Variants in FBRSL1 observed in about 807,000 individuals in gnomAD.
The protein encoded by FBRSL1 is fibrosin-1-like protein.
FBRSL1 carries 51 observed loss-of-function variants against 89.6 expected under a neutral mutation model. The ratio of observed to expected loss-of-function variants is 0.57; its 90% CI spans 0.45 to 0.72. The LOEUF (loss-of-function observed/expected upper bound fraction) is 0.72. FBRSL1 is among the 30% of genes least tolerant of loss of function. The probability of loss-of-function intolerance (pLI) is 0.00; values close to 1 mark genes in which losing one functional copy is unlikely to be tolerated. For missense variants in FBRSL1, 1,618 were observed against 1,451.8 expected, an observed-to-expected ratio of 1.11 and a Z score of -1.86; for synonymous variants, 779 against 681.1, an observed-to-expected ratio of 1.14 and a Z score of -2.24.
At chr12:132,538,081 C>G (rs2036914460) in intron 4 of FBRSL1, among the ~76,000 whole-genome samples, 1 of 152,134 alleles carries the variant, frequency 6.6e-6, no homozygotes, top group Non-Finnish European at 1.5e-5. Context: ...TCAGAGTGAG[C>G]TTGGGTGTGG....
chr12:132,494,038 G>A (rs1196855098), intron 1 of FBRSL1, among the ~76,000 whole-genome samples: 2 of 152,190 alleles, frequency 1.3e-5, no homozygotes, highest in East Asian at 1.9e-4. Flanking sequence ...TGGGTGGGGC[G>A]GCGCGGCAGA....
chr12:132,508,007 T>C (rs900081117), intron 1 of FBRSL1, 146 bp from the exon 2 acceptor site: 90 of 775,208 alleles, frequency 1.2e-4, no homozygotes, highest in Non-Finnish European at 1.6e-4. Flanking sequence ...CCATCCCCCG[T>C]CCCACAGCAG....
chr12:132,532,057 G>A (rs550823878), intron 4 of FBRSL1, among the ~76,000 whole-genome samples: 1 of 152,340 alleles, frequency 6.6e-6, no homozygotes, highest in South Asian at 2.1e-4. Context: ...GGATCCACAA[G>A]AGCTTGCTGG....
At chr12:132,572,467 C>T (rs1301698423) in intron 10 of FBRSL1, 60 bp from the exon 11 acceptor site, 43 of 1,490,114 alleles carry the variant, frequency 2.9e-5, no homozygotes, top group East Asian at 4.9e-5. Context: ...CTTCTGGTTA[C>T]AGGCAGAGGG....
chr12:132,506,539 T>G (rs1566109451), intron 1 of FBRSL1, among the ~76,000 whole-genome samples: 1 of 152,242 alleles, frequency 6.6e-6, no homozygotes, highest in Non-Finnish European at 1.5e-5. Flanking sequence ...CCTTGCAGGT[T>G]TCCTAGTTAC....
At chr12:132,574,454 G>T (rs1352901353) in intron 13 of FBRSL1, 39 bp from the exon 14 acceptor site, 1 of 1,548,800 alleles carries the variant, frequency 6.5e-7, no homozygotes, top group Admixed American at 2.0e-5. Flanking sequence ...ATGGGTGGGG[G>T]TGGCACCAGC....
chr12:132,518,473 A>G (rs1337741446), intron 2 of FBRSL1, among the ~76,000 whole-genome samples: 2 of 148,464 alleles, frequency 1.3e-5, no homozygotes, highest in Non-Finnish European at 3.0e-5. Context: ...CCGTCTGTCC[A>G]TCCATCCACC....
chr12:132,572,651 G>T, intron 11 of FBRSL1, 29 bp downstream of exon 11: 1 of 1,490,302 alleles, frequency 6.7e-7, no homozygotes. Context: ...GGTGGGGCGG[G>T]CACAGCGGGT....
At chr12:132,506,763 C>T (rs2136540319) in intron 1 of FBRSL1, among the ~76,000 whole-genome samples, 1 of 152,248 alleles carries the variant, frequency 6.6e-6, no homozygotes, top group East Asian at 1.9e-4. Context: ...AGGCCATGGG[C>T]TCTCGGGCTT....
intron 4 of FBRSL1, among the ~76,000 whole-genome samples, chr12:132,543,359 G>A (rs991594861): frequency 3.3e-5 from 5 of 152,126 alleles, no homozygotes; most frequent in Non-Finnish European, 5.9e-5. Flanking sequence ...GCCGGGCTCC[G>A]TGAAGCAGTG....
rs1259068623 is a variant in FBRSL1, at chr12:132,570,582, G to A, written c.1213+42G>A. 6 of 1,438,102 alleles carry A rather than the reference G, an allele frequency of 4.2e-6. No homozygotes were observed. The Middle Eastern group carries it at 7.1e-4, about 170-fold the overall frequency. 89.1% of individuals were successfully genotyped at this position (1,438,102 alleles called of 1,614,324 possible). On this transcript the variant is annotated intron_variant, in intron 8 of 18. Coordinates refer to ENST00000680143, the MANE Select transcript of FBRSL1 (RefSeq NM_001367871.1). ...CAATCTCGCCCAGGGCAGGGGTTGG[G>A]GGGTGCGGGGACACGGCCACCGGGG...
At chr12:132,539,270 G>A (rs907754526) in intron 4 of FBRSL1, among the ~76,000 whole-genome samples, 3 of 152,046 alleles carry the variant, frequency 2.0e-5, no homozygotes, top group East Asian at 1.9e-4. Context: ...GGAGCTGGCC[G>A]TCAGGTGGGC....
intron 18 of FBRSL1, 59 bp from the exon 19 acceptor site, chr12:132,582,912 C>T (rs946444293): frequency 2.2e-4 from 290 of 1,294,876 alleles, no homozygotes; most frequent in Non-Finnish European, 2.8e-4. Context: ...CATCCCGGGG[C>T]TGCGCCGCGC....
chr12:132,503,972 G>T (rs2033356322), intron 1 of FBRSL1, among the ~76,000 whole-genome samples: 1 of 152,006 alleles, frequency 6.6e-6, no homozygotes, highest in Non-Finnish European at 1.5e-5. Flanking sequence ...TCAGCCCCCT[G>T]CCCCCATGGA....
Position 132,570,347 on chromosome 12 carries a change from C to G in FBRSL1, c.1020C>G (p.Ser340Arg). 2.6e-6 allele frequency: 4 copies of G among 1,531,184 alleles called. No homozygotes were observed. The highest frequency in any genetic ancestry group is 3.5e-6 in the Non-Finnish European group (4 of 1,144,260). The allele number at this position is 1,531,184 out of a possible 1,614,324, so 94.8% of individuals were successfully genotyped here. Residue 340 changes from serine (S) to arginine (R), a missense_variant, in exon 8 of 19, where the codon AGC becomes AGG. Physicochemically the swap from Ser to Arg is moderately radical, Grantham distance 110. Coordinates refer to ENST00000680143, the MANE Select transcript of FBRSL1 (RefSeq NM_001367871.1). Reference protein sequence around the residue: ...NGLHGLSRSSSAPLGLGKHVS... With the variant: ...NGLHGLSRSSRAPLGLGKHVS... The stretch of plus-strand genomic sequence containing the variant: ...CCGTGTCCCGCAGCAGGAGCAGCAG[C>G]GCCCCCCTGGGCCTGGGGAAGCACG...
At chr12:132,514,789 G>T (rs1053252150) in intron 2 of FBRSL1, among the ~76,000 whole-genome samples, 1 of 152,182 alleles carries the variant, frequency 6.6e-6, no homozygotes, top group African/African-American at 2.4e-5. Flanking sequence ...TTTAATAGGA[G>T]TGTTATGTGA....
intron 4 of FBRSL1, among the ~76,000 whole-genome samples, chr12:132,540,771 GAT>G (rs2037193622): frequency 6.6e-6 from 1 of 151,892 alleles, no homozygotes; most frequent in Admixed American, 6.5e-5. Context: ...GCCCCTCCCC[GAT>G]GGCAGGAGGA....
intron 14 of FBRSL1, 71 bp from the exon 15 acceptor site, chr12:132,576,728 C>T: frequency 1.3e-6 from 2 of 1,496,616 alleles, no homozygotes; most frequent in Non-Finnish European, 1.8e-6. Context: ...CCTGTGGCCC[C>T]TCAGGCCTGG....
At chr12:132,550,859 G>A (rs1220046023) in intron 5 of FBRSL1, 1 of 156,986 alleles carries the variant, frequency 6.4e-6, no homozygotes, top group Non-Finnish European at 1.4e-5. Context: ...AGGGCAGGAG[G>A]CCTCAGGTCC....
Sources: allele counts gnomAD v4.1 joint callset (sites outside exome capture counted in the v4.1 genomes callset), GRCh38; gene constraint gnomAD v4.1.1; transcripts MANE v1.5; gene names NCBI Gene and HGNC (gene_info 2026-07-23, HGNC 2026-07-21).